Variants in CDH18 observed in about 807,000 individuals in gnomAD.
CDH18 encodes the protein cadherin 18, also known as cadherin-18.
CDH18 carries 31 observed loss-of-function variants against 67.9 expected under a neutral mutation model. The ratio of observed to expected loss-of-function variants is 0.46; its 90% CI spans 0.34 to 0.62. CDH18 has a LOEUF of 0.62. Ranked by LOEUF, CDH18 falls within the 20% of genes least tolerant of loss-of-function variation. The pLI is 0.01. For missense variants in CDH18, 890 were observed against 975.5 expected (o/e 0.91, Z 1.17); for synonymous variants, 362 against 347.2 (o/e 1.04, Z -0.48).
chr5:19,792,408 G>T (rs1776457796), intron 3 of CDH18, among the ~76,000 whole-genome samples: 1 of 152,074 alleles, frequency 6.6e-6, no homozygotes, highest in Admixed American at 6.6e-5. Flanking sequence ...TACATTGTTG[G>T]CTGGCTTAGT....
chr5:19,613,046 T>A (rs1749252804), intron 5 of CDH18, among the ~76,000 whole-genome samples: 1 of 151,962 alleles, frequency 6.6e-6, no homozygotes, highest in African/African-American at 2.4e-5. Context: ...CTCATGAGGC[T>A]AGGCAGGAGA....
At chr5:20,523,021 G>T (rs971805593) in intron 1 of CDH18, among the ~76,000 whole-genome samples, 8 of 152,146 alleles carry the variant, frequency 5.3e-5, no homozygotes, top group Admixed American at 4.6e-4. Flanking sequence ...GAAACCACAA[G>T]ATGTAGGACT....
chr5:19,582,660 C>A (rs1743461923), intron 7 of CDH18, among the ~76,000 whole-genome samples: 1 of 151,890 alleles, frequency 6.6e-6, no homozygotes, highest in African/African-American at 2.4e-5. Flanking sequence ...AAGGAATGTT[C>A]ATATTTTGTA....
intron 12 of CDH18, among the ~76,000 whole-genome samples, chr5:19,482,162 C>T (rs1469468024): frequency 2.0e-5 from 3 of 151,886 alleles, no homozygotes; most frequent in Non-Finnish European, 4.4e-5. Flanking sequence ...GTTGCCCAGG[C>T]TGGAGTGCAG....
intron 8 of CDH18, among the ~76,000 whole-genome samples, chr5:19,547,543 T>C (rs1211978171): frequency 1.3e-5 from 2 of 152,204 alleles, no homozygotes; most frequent in Non-Finnish European, 2.9e-5. Flanking sequence ...ATATGTAGTC[T>C]TTTTGCCAGA....
chr5:20,162,006 G>A (rs1580376361), intron 2 of CDH18, among the ~76,000 whole-genome samples: 2 of 152,016 alleles, frequency 1.3e-5, no homozygotes, highest in East Asian at 3.9e-4. Flanking sequence ...ACCAGCAAGA[G>A]ATGAGAGAAT....
chr5:19,485,584 TAGAG>T (rs1276302636), intron 11 of CDH18, among the ~76,000 whole-genome samples: 1 of 152,012 alleles, frequency 6.6e-6, no homozygotes, highest in Non-Finnish European at 1.5e-5. Flanking sequence ...TGTTATAGGA[TAGAG>T]AAAGAAGTGG....
intron 1 of CDH18, among the ~76,000 whole-genome samples, chr5:20,411,572 G>A (rs1746778680): frequency 6.6e-6 from 1 of 151,552 alleles, no homozygotes; most frequent in Non-Finnish European, 1.5e-5. Flanking sequence ...ACATAACAAA[G>A]GTATGAACAG....
At chr5:19,506,704 T>TAG (rs1304763645) in intron 10 of CDH18, among the ~76,000 whole-genome samples, 2 of 152,222 alleles carry the variant, frequency 1.3e-5, no homozygotes, top group Non-Finnish European at 1.5e-5. Context: ...TAGCTATATG[T>TAG]AGAAAGCTGA....
intron 1 of CDH18, among the ~76,000 whole-genome samples, chr5:20,346,283 AT>A (rs1462071684): frequency 2.0e-5 from 3 of 152,192 alleles, no homozygotes; most frequent in Admixed American, 6.5e-5. Flanking sequence ...GCTTTTGCTT[AT>A]CAACTATTTA....
chr5:20,493,264 G>T (rs139069320), intron 1 of CDH18, among the ~76,000 whole-genome samples: 89 of 144,964 alleles, frequency 6.1e-4, no homozygotes, highest in Middle Eastern at 3.7e-3. Flanking sequence ...CAGGAGAATT[G>T]CTTGAGCCTG....
chr5:20,428,959 C>T (rs1410593579), intron 1 of CDH18, among the ~76,000 whole-genome samples: 1 of 152,116 alleles, frequency 6.6e-6, no homozygotes. Flanking sequence ...TGCGTTTTTA[C>T]TGAGTGAAGA....
intron 1 of CDH18, among the ~76,000 whole-genome samples, chr5:20,398,401 A>C (rs1745460072): frequency 1.3e-5 from 2 of 152,176 alleles, no homozygotes; most frequent in Admixed American, 1.3e-4. Context: ...CAGTGATTCA[A>C]CCTATAAAAT....
intron 2 of CDH18, among the ~76,000 whole-genome samples, chr5:20,148,546 G>A (rs1434539567): frequency 1.3e-5 from 2 of 152,116 alleles, no homozygotes; most frequent in East Asian, 3.9e-4. Context: ...AGTGAACTGA[G>A]ATTGGATTCT....
At chr5:20,512,708 A>G (rs1755118054) in intron 1 of CDH18, among the ~76,000 whole-genome samples, 1 of 151,848 alleles carries the variant, frequency 6.6e-6, no homozygotes, top group Non-Finnish European at 1.5e-5. Flanking sequence ...ATATAGTGAA[A>G]CCCCATCTCT....
At chr5:19,680,154 T>A (rs1452738833) in intron 5 of CDH18, among the ~76,000 whole-genome samples, 2 of 151,786 alleles carry the variant, frequency 1.3e-5, no homozygotes, top group Non-Finnish European at 2.9e-5. Flanking sequence ...TTTGACAAAT[T>A]TGACAAAAAC....
chr5:20,458,257 T>C (rs192141994), intron 1 of CDH18, among the ~76,000 whole-genome samples: 83 of 152,252 alleles, frequency 5.5e-4, no homozygotes, highest in African/African-American at 1.9e-3. Context: ...GTAGCAGTTT[T>C]AAAGTTTGTT....
chr5:20,190,110 T>C (rs1738421399), intron 2 of CDH18, among the ~76,000 whole-genome samples: 1 of 152,132 alleles, frequency 6.6e-6, no homozygotes. Context: ...TGGGTCTGCC[T>C]TCCTGAGTTA....
chr5:19,637,265 C>T (rs756276954), intron 5 of CDH18, among the ~76,000 whole-genome samples: 13 of 150,554 alleles, frequency 8.6e-5, no homozygotes, highest in Non-Finnish European at 1.3e-4. Context: ...TTGAATTATG[C>T]ATACACTGTG....
Sources: gnomAD v4.1 joint callset for allele counts (sites outside exome capture counted in the v4.1 genomes callset) on GRCh38, gnomAD v4.1.1 for gene constraint, MANE v1.5 for transcripts, NCBI Gene and HGNC (gene_info 2026-07-23, HGNC 2026-07-21) for gene names.